KDM3B: variants seen among roughly 807,000 people sequenced by gnomAD.
KDM3B encodes lysine demethylase 3B.
KDM3B carries 10 observed loss-of-function variants against 170.0 expected under a neutral mutation model. That is an observed-to-expected ratio of 0.06 (90% CI 0.04 to 0.10). The LOEUF is 0.10. Among genes scored for constraint, KDM3B ranks in the 10% least tolerant of loss-of-function variants. KDM3B has a pLI of 1.00. For synonymous variants in KDM3B, 831 were observed against 834.8 expected, an observed-to-expected ratio of 1.00 and a Z score of 0.08; for missense variants, 1,394 against 2,195.2, an observed-to-expected ratio of 0.64 and a Z score of 7.29.
chr5:138,395,913 C>T (rs1466484647), intron 9 of KDM3B, among the ~76,000 whole-genome samples: 1 of 151,970 alleles, frequency 6.6e-6, no homozygotes, highest in East Asian at 1.9e-4. Flanking sequence ...CCACTGCACC[C>T]TGCACAAATC....
chr5:138,395,240 A>G (rs1050894349), intron 9 of KDM3B, among the ~76,000 whole-genome samples: 2 of 152,188 alleles, frequency 1.3e-5, no homozygotes, highest in African/African-American at 4.8e-5. Flanking sequence ...ATCACCAGGT[A>G]TTTAAAGCTG....
intron 20 of KDM3B, among the ~76,000 whole-genome samples, chr5:138,428,799 A>G (rs901961042): frequency 6.6e-6 from 1 of 152,188 alleles, no homozygotes; most frequent in Non-Finnish European, 1.5e-5. Context: ...ATGAAGCATA[A>G]AAGTGATATT....
At chr5:138,373,821 G>T (rs181122899) in intron 2 of KDM3B, among the ~76,000 whole-genome samples, 40 of 152,168 alleles carry the variant, frequency 2.6e-4, no homozygotes, top group East Asian at 9.7e-4. Context: ...GTATCCATTT[G>T]TTTCTGTCTG....
chr5:138,365,023 C>G (rs1461303739), intron 1 of KDM3B, among the ~76,000 whole-genome samples: 4 of 152,138 alleles, frequency 2.6e-5, no homozygotes, highest in Non-Finnish European at 4.4e-5. Flanking sequence ...TATTTGAAAA[C>G]AGAGATATTC....
At chr5:138,384,974 A>G (rs1762222096) in intron 6 of KDM3B, among the ~76,000 whole-genome samples, 1 of 151,734 alleles carries the variant, frequency 6.6e-6, no homozygotes, top group African/African-American at 2.4e-5. Context: ...CCAAAAGTAT[A>G]GGCAAACAAA....
At chr5:138,425,972 C>T (rs985730893) in intron 17 of KDM3B, 2 of 159,346 alleles carry the variant, frequency 1.3e-5, no homozygotes, top group Non-Finnish European at 2.8e-5. Context: ...CACCACTGCT[C>T]TCCAGCCTCG....
At position 138,372,704 on chromosome 5, in the gene KDM3B, A is replaced by C. The variant is rs1421451123; in HGVS notation, c.223A>C (p.Lys75Gln). The change falls in exon 2 of 24, where the codon AAG becomes CAG. Residue 75 changes from lysine (K) to glutamine (Q), a missense_variant. By Grantham distance (53) the Lys-to-Gln change is moderately conservative. This residue lies in a region of KDM3B where 16 missense variants were observed against 48.6 expected (regional missense o/e 0.33). Transcript: ENST00000314358. ...IFVEFDGCNW[K>Q]QHSWVKVHAE... Reference sequence around the variant, plus strand: ...TGTAGAATTTGATGGCTGTAACTGGAAGCAACACTCCTGGGTAAAAGTTCA... The same window carrying C: ...TGTAGAATTTGATGGCTGTAACTGGCAGCAACACTCCTGGGTAAAAGTTCA... The C allele has an allele frequency of 6.2e-7, 1 of 1,613,734 alleles. No individual in the cohort carries two copies. Among genetic ancestry groups the C allele is most frequent in the African/African-American group, 1.3e-5 (1 of 74,876 alleles).
chr5:138,421,067 A>C, intron 15 of KDM3B, 105 bp downstream of exon 15: 1 of 1,302,900 alleles, frequency 7.7e-7, no homozygotes, highest in Non-Finnish European at 1.1e-6. Flanking sequence ...TGTTCTCTAC[A>C]TTGTCAAGCT....
intron 1 of KDM3B, among the ~76,000 whole-genome samples, chr5:138,354,822 G>T (rs931499995): frequency 2.6e-5 from 4 of 152,202 alleles, no homozygotes; most frequent in African/African-American, 9.7e-5. Context: ...AGGCAGGTTT[G>T]TATTTTGAGA....
chr5:138,392,515 G>C (rs1273748962), intron 8 of KDM3B, among the ~76,000 whole-genome samples: 2 of 152,178 alleles, frequency 1.3e-5, no homozygotes, highest in Admixed American at 1.3e-4. Flanking sequence ...GATCTTCCTT[G>C]GCGGTCAGTT....
chr5:138,387,938 G>A (rs866456130), intron 7 of KDM3B, among the ~76,000 whole-genome samples: 7 of 152,136 alleles, frequency 4.6e-5, no homozygotes, highest in Middle Eastern at 3.4e-3. Context: ...AAAATTAGCC[G>A]GGCGTGGCGG....
At chr5:138,435,509 GCA>G (rs751236868) in intron 23 of KDM3B, 109 bp from the exon 24 acceptor site, 15 of 752,958 alleles carry the variant, frequency 2.0e-5, no homozygotes, top group South Asian at 1.1e-4. Flanking sequence ...ATACAGGAAC[GCA>G]CAGTCCTTTT....
intron 23 of KDM3B, among the ~76,000 whole-genome samples, chr5:138,432,222 T>G (rs534904955): frequency 2.2e-4 from 34 of 152,330 alleles, no homozygotes; most frequent in Admixed American, 2.2e-3. Flanking sequence ...GCGCTGAAGC[T>G]GCTTCTCATA....
chr5:138,362,040 C>A (rs1165474143), intron 1 of KDM3B, among the ~76,000 whole-genome samples: 1 of 152,144 alleles, frequency 6.6e-6, no homozygotes, highest in Non-Finnish European at 1.5e-5. Flanking sequence ...GAACTCTAGG[C>A]CGGGCGCTGT....
In KDM3B at chr5:138,352,689, G is replaced by T; in HGVS notation, c.-107G>T. The T allele has an allele frequency of 1.1e-6, 1 of 899,686 alleles. No homozygotes were observed. The highest frequency in any genetic ancestry group is 1.4e-6 in the Non-Finnish European group (1 of 708,282). 55.7% of individuals were successfully genotyped at this position (899,686 alleles called of 1,614,324 possible). On this transcript the variant is annotated 5_prime_UTR_variant, in exon 1 of 24. Transcript: ENST00000314358. ...GCTGTTGGGGGGGGTGGGGGGGAAC[G>T]GCGGCCGCGGGTGGTGCGGAGGGAG... is the stretch of plus-strand genomic sequence containing the variant.
chr5:138,355,041 C>G (rs1007990145), intron 1 of KDM3B, among the ~76,000 whole-genome samples: 2 of 152,078 alleles, frequency 1.3e-5, no homozygotes, highest in Non-Finnish European at 2.9e-5. Flanking sequence ...TCCTTTGGAC[C>G]GTAGGCATGT....
chr5:138,374,603 G>A (rs1015771982), intron 2 of KDM3B, among the ~76,000 whole-genome samples: 1 of 152,168 alleles, frequency 6.6e-6, no homozygotes, highest in African/African-American at 2.4e-5. Context: ...TTTAGGAGAA[G>A]CTCTTGTATA....
At chr5:138,417,324 T>G (rs2126987440) in intron 12 of KDM3B, among the ~76,000 whole-genome samples, 159 bp from the exon 13 acceptor site, 1 of 152,334 alleles carries the variant, frequency 6.6e-6, no homozygotes, top group South Asian at 2.1e-4. Flanking sequence ...TAACTTCTTC[T>G]CTCAGCCTCA....
intron 13 of KDM3B, 35 bp downstream of exon 13, chr5:138,417,645 C>G (rs1763137911): frequency 6.3e-7 from 1 of 1,598,254 alleles, no homozygotes; most frequent in Non-Finnish European, 8.6e-7. Flanking sequence ...CTAAGTGAAG[C>G]CTAAATTTTT....
Sources: gnomAD v4.1 joint callset for allele counts (sites outside exome capture counted in the v4.1 genomes callset) on GRCh38, gnomAD v4.1.1 for gene constraint, gnomAD v4.1.1 regional missense constraint, MANE v1.5 for transcripts, NCBI Gene and HGNC (gene_info 2026-07-23, HGNC 2026-07-21) for gene names.